GALNT9: variants seen among roughly 807,000 people sequenced by gnomAD.
GALNT9 encodes the protein polypeptide N-acetylgalactosaminyltransferase 9, also known as GalNAc transferase 9.
A neutral mutation model predicts 63.1 loss-of-function variants in GALNT9; 47 were observed. The observed-to-expected ratio is 0.75, with a 90% CI of 0.59 to 0.95. The LOEUF (loss-of-function observed/expected upper bound fraction) is 0.95. Among genes scored for constraint, GALNT9 ranks in the 40% least tolerant of loss-of-function variants. The probability of loss-of-function intolerance (pLI) is 0.00; values close to 1 mark genes in which losing one functional copy is unlikely to be tolerated. For missense variants in GALNT9, 829 were observed against 874.8 expected (o/e 0.95, Z 0.66); for synonymous variants, 396 against 365.7 (o/e 1.08, Z -0.94).
At chr12:132,298,750 A>G (rs1881172320) in intron 1 of GALNT9, among the ~76,000 whole-genome samples, 1 of 148,352 alleles carries the variant, frequency 6.7e-6, no homozygotes, top group Non-Finnish European at 1.5e-5. Flanking sequence ...ACCCACTCCC[A>G]CCACACCTAA....
rs1009634230 is a variant in GALNT9 at position 132,265,241 on chromosome 12, C to T, written c.420-2616G>A. ...TTCAGCCCCCAGCCTTGTCCTCCTGCGCTCCTGCTGGGGATGAGGGAGAGG... is the reference window on the plus strand; with the variant it reads ...TTCAGCCCCCAGCCTTGTCCTCCTGTGCTCCTGCTGGGGATGAGGGAGAGG... On this transcript the variant is annotated intron_variant, in intron 2 of 10. Coordinates refer to ENST00000328957, the MANE Select transcript of GALNT9 (RefSeq NM_001122636.2). The surrounding 1 kb of genome is among the most constrained non-coding windows in gnomAD (Gnocchi z 5.3). Among the ~76,000 whole-genome samples, 2 of 152,186 alleles carry T rather than the reference C, an allele frequency of 1.3e-5. No homozygotes were observed. The highest frequency in any genetic ancestry group is 2.1e-4 in the South Asian group (1 of 4,834).
chr12:132,198,081 TC>T, intron 9 of GALNT9, 122 bp from the exon 10 acceptor site: 1 of 789,488 alleles, frequency 1.3e-6, no homozygotes, highest in Non-Finnish European at 2.0e-6. Flanking sequence ...CCTTGGAGCC[TC>T]CCACCCCGGG....
At chr12:132,241,088 G>A (rs2136900673) in intron 6 of GALNT9, among the ~76,000 whole-genome samples, 44 of 29,894 alleles carry the variant, frequency 1.5e-3, no homozygotes, top group East Asian at 4.2e-3. Flanking sequence ...CACCCTTCCC[G>A]GGGCCCTCCC....
intron 1 of GALNT9, among the ~76,000 whole-genome samples, chr12:132,318,076 A>T (rs193120756): frequency 6.6e-6 from 1 of 152,260 alleles, no homozygotes; most frequent in East Asian, 1.9e-4. Context: ...CCCTGTCTCT[A>T]TCAAAAAATA....
intron 6 of GALNT9, among the ~76,000 whole-genome samples, chr12:132,222,918 C>T (rs1474878064): frequency 1.0e-4 from 13 of 124,424 alleles, no homozygotes; most frequent in African/African-American, 3.9e-4. Context: ...CCACATACAT[C>T]CCACACAACC....
At chr12:132,326,081 G>A (rs782815746) in intron 1 of GALNT9, among the ~76,000 whole-genome samples, 4 of 152,264 alleles carry the variant, frequency 2.6e-5, no homozygotes, top group Non-Finnish European at 4.4e-5. Flanking sequence ...AGAAAGTGGG[G>A]GCTCTTTGTC....
intron 6 of GALNT9, among the ~76,000 whole-genome samples, chr12:132,239,647 CAGAGTCAGAGACAG>C (rs1878165387): frequency 6.7e-6 from 1 of 148,668 alleles, no homozygotes; most frequent in Admixed American, 6.7e-5. Flanking sequence ...GAGTCAGAGA[CAGAGTCAGAGACAG>C]AGAGAGACAG....
At chr12:132,254,494 T>C (rs1455944359) in intron 5 of GALNT9, among the ~76,000 whole-genome samples, 1 of 152,114 alleles carries the variant, frequency 6.6e-6, no homozygotes, top group Non-Finnish European at 1.5e-5. Flanking sequence ...ACAGGGCTCA[T>C]GTCTCTGACT....
intron 2 of GALNT9, among the ~76,000 whole-genome samples, chr12:132,264,028 C>T (rs150425405): frequency 3.9e-5 from 6 of 152,318 alleles, no homozygotes; most frequent in Non-Finnish European, 5.9e-5. Context: ...TCAGACTTTA[C>T]GAGGGCAGGT....
chr12:132,318,760 C>T (rs895105864), intron 1 of GALNT9, among the ~76,000 whole-genome samples: 26 of 152,166 alleles, frequency 1.7e-4, no homozygotes, highest in African/African-American at 5.8e-4. Context: ...CAGCTGTGGC[C>T]GGGTCCACTC....
chr12:132,211,387 T>C (rs190660501), intron 6 of GALNT9, among the ~76,000 whole-genome samples: 14 of 152,344 alleles, frequency 9.2e-5, no homozygotes, highest in Admixed American at 9.1e-4. Context: ...AGCCTAGTTA[T>C]AATGATTTAA....
At chr12:132,300,541 C>T (rs374870480) in intron 1 of GALNT9, among the ~76,000 whole-genome samples, 9,667 of 136,598 alleles carry the variant, frequency 0.071, 306 homozygotes, top group Non-Finnish European at 0.09. Context: ...AGATAACTCA[C>T]TCCCATAACT....
At chr12:132,201,375 C>G in intron 7 of GALNT9, 114 bp from the exon 8 acceptor site, 1 of 670,858 alleles carries the variant, frequency 1.5e-6, no homozygotes, top group Non-Finnish European at 2.6e-6. Context: ...AGCAGCCTCC[C>G]CCCCAGTATT....
intron 4 of GALNT9, among the ~76,000 whole-genome samples, chr12:132,258,901 G>C (rs1180570517): frequency 6.6e-6 from 1 of 152,238 alleles, no homozygotes; most frequent in South Asian, 2.1e-4. Context: ...CTGACACAGA[G>C]CCCAGAGGCT....
In GALNT9 at chr12:132,286,489, A is replaced by G. The variant is rs1880597894; in HGVS notation, c.239-59T>C. ...CCCAGGACACGCTGCGTCTGCACCC[A>G]GGAGACGCCCCTCCCGCCCCTCTCC... On this transcript the variant is annotated intron_variant, in intron 1 of 10. Transcript: ENST00000328957. This position sits in a 1 kb window ranked among gnomAD's most constrained non-coding sequence, Gnocchi z 7.4. 2.0e-6 allele frequency: 3 copies of G among 1,481,168 alleles called. No individual in the cohort carries two copies. Among genetic ancestry groups the G allele is most frequent in the Non-Finnish European group, 2.7e-6 (3 of 1,115,990 alleles). 91.8% of individuals were successfully genotyped at this position (1,481,168 alleles called of 1,614,324 possible).
At chr12:132,326,888 C>T (rs1292981144) in intron 1 of GALNT9, among the ~76,000 whole-genome samples, 1 of 152,192 alleles carries the variant, frequency 6.6e-6, no homozygotes, top group African/African-American at 2.4e-5. Context: ...GGCCTCATGG[C>T]GACAGACATC....
At chr12:132,214,354 A>G (rs1877095317) in intron 6 of GALNT9, among the ~76,000 whole-genome samples, 2 of 152,148 alleles carry the variant, frequency 1.3e-5, no homozygotes, top group South Asian at 2.1e-4. Context: ...TATTTTCTGT[A>G]TCTGATGCTT....
In GALNT9 at chr12:132,240,838, T is replaced by C. The variant is rs1471422023; in HGVS notation, c.1077+7072A>G. On this transcript the variant is annotated intron_variant, in intron 6 of 10. Transcript: ENST00000328957. ...TTCCCAAGGCCGTCCCTATACCCAT[T>C]ACACACACACCACACCCCCTTCCCA... 11 of 398,648 alleles carry C rather than the reference T, an allele frequency of 2.8e-5. 1 individual carries two copies. The highest frequency in any genetic ancestry group is 4.2e-5 in the African/African-American group (2 of 47,242). 24.7% of individuals were successfully genotyped at this position (398,648 alleles called of 1,614,324 possible).
At chr12:132,328,863 G>A in intron 1 of GALNT9, 103 bp downstream of exon 1, 2 of 1,310,602 alleles carry the variant, frequency 1.5e-6, no homozygotes, top group Non-Finnish European at 2.0e-6. Flanking sequence ...TCCCACAGGG[G>A]CGCAGAGGGG....
Sources: allele counts gnomAD v4.1 joint callset (sites outside exome capture counted in the v4.1 genomes callset), GRCh38; gene constraint gnomAD v4.1.1; non-coding constraint Gnocchi (gnomAD v3.1); transcripts MANE v1.5; gene names NCBI Gene and HGNC (gene_info 2026-07-23, HGNC 2026-07-21).